Variants in SIN3B observed in about 807,000 individuals in gnomAD.
The protein encoded by SIN3B is paired amphipathic helix protein Sin3b.
A neutral mutation model predicts 120.2 loss-of-function variants in SIN3B; 19 were observed. The observed-to-expected ratio is 0.16, with a 90% CI of 0.11 to 0.23. The LOEUF is 0.23. Among genes scored for constraint, SIN3B ranks in the 10% least tolerant of loss-of-function variants. The pLI is 1.00. For missense variants in SIN3B, 1,073 were observed against 1,573.0 expected (o/e 0.68, Z 5.38); for synonymous variants, 654 against 653.2 (o/e 1.00, Z -0.02).
intron 3 of SIN3B, among the ~76,000 whole-genome samples, chr19:16,841,452 C>T (rs1971416038): frequency 1.3e-5 from 2 of 152,150 alleles, no homozygotes; most frequent in Non-Finnish European, 2.9e-5. Flanking sequence ...CAGCACTTGG[C>T]ACCACAGAGG....
At chr19:16,872,304 A>G (rs968920315) in intron 14 of SIN3B, among the ~76,000 whole-genome samples, 2 of 152,024 alleles carry the variant, frequency 1.3e-5, no homozygotes, top group African/African-American at 4.8e-5. Flanking sequence ...TAATGGAGCT[A>G]AAATACCCAA....
intron 4 of SIN3B, 118 bp downstream of exon 4, chr19:16,842,086 TG>T (rs2144583881): frequency 2.1e-6 from 2 of 933,360 alleles, no homozygotes; most frequent in East Asian, 5.3e-5. Context: ...TAATTAGTTG[TG>T]GGGTTTTTTG....
intron 14 of SIN3B, among the ~76,000 whole-genome samples, chr19:16,873,526 C>A (rs935246791): frequency 1.3e-5 from 2 of 150,654 alleles, no homozygotes; most frequent in Admixed American, 6.6e-5. Flanking sequence ...GTCCCCTCCC[C>A]CCCCCCCCAG....
At chr19:16,842,662 A>G (rs1044611691) in intron 4 of SIN3B, among the ~76,000 whole-genome samples, 1 of 152,110 alleles carries the variant, frequency 6.6e-6, no homozygotes, top group Admixed American at 6.5e-5. Flanking sequence ...CAGCACCAGG[A>G]GCTGGGGCTA....
chr19:16,865,688 C>G (rs1285290406), intron 11 of SIN3B, 40 bp downstream of exon 11: 1 of 1,288,428 alleles, frequency 7.8e-7, no homozygotes, highest in African/African-American at 1.5e-5. Context: ...CCTTCCCCTT[C>G]CCCCTTCCCT....
chr19:16,871,578 A>G, intron 14 of SIN3B, 180 bp downstream of exon 14: 1 of 590,120 alleles, frequency 1.7e-6, no homozygotes, highest in Admixed American at 3.4e-5. Context: ...GTTTGGTAAC[A>G]TTTGGTACAT....
chr19:16,849,798 A>G (rs1376002078), intron 5 of SIN3B, among the ~76,000 whole-genome samples: 1 of 152,120 alleles, frequency 6.6e-6, no homozygotes, highest in Non-Finnish European at 1.5e-5. Context: ...GTTCCAGCAT[A>G]TACAAAAAAT....
chr19:16,840,380 A>G (rs1033776284), intron 3 of SIN3B, among the ~76,000 whole-genome samples: 4 of 152,168 alleles, frequency 2.6e-5, no homozygotes, highest in Non-Finnish European at 4.4e-5. Flanking sequence ...GGCCACCCAC[A>G]AGCCAAGGAG....
At chr19:16,830,045 G>T (rs189944406) in intron 2 of SIN3B, 148 bp downstream of exon 2, 1 of 602,012 alleles carries the variant, frequency 1.7e-6, no homozygotes, top group Non-Finnish European at 3.0e-6. Flanking sequence ...GCTCCTTCTC[G>T]TAACAAAAAT....
chr19:16,873,600 T>G (rs1384280440), intron 14 of SIN3B, among the ~76,000 whole-genome samples: 2 of 149,472 alleles, frequency 1.3e-5, no homozygotes, highest in Non-Finnish European at 1.5e-5. Context: ...ACCAGGAGAT[T>G]GGACCAGATG....
chr19:16,848,336 C>T (rs981292299), intron 5 of SIN3B, among the ~76,000 whole-genome samples: 26 of 150,612 alleles, frequency 1.7e-4, no homozygotes, highest in African/African-American at 5.4e-4. Flanking sequence ...AAACTGTTTT[C>T]TACAGTGACC....
intron 3 of SIN3B, among the ~76,000 whole-genome samples, chr19:16,835,350 T>C (rs985921296): frequency 6.6e-5 from 10 of 151,480 alleles, no homozygotes; most frequent in African/African-American, 2.4e-4. Flanking sequence ...TGCCTCAGCC[T>C]CCTGAGTAGC....
chr19:16,874,601 G>A (rs1394707773), intron 14 of SIN3B, among the ~76,000 whole-genome samples: 5 of 151,568 alleles, frequency 3.3e-5, no homozygotes, highest in Non-Finnish European at 7.4e-5. Context: ...GTGTGGTTTT[G>A]GTTTGGTCTG....
chr19:16,857,553 G>GTGTATATA (rs66778532), intron 8 of SIN3B, among the ~76,000 whole-genome samples: 20 of 139,546 alleles, frequency 1.4e-4, no homozygotes, highest in African/African-American at 5.1e-4. Context: ...GTGTGTGTGT[G>GTGTATATA]TATATATACA....
chr19:16,866,736 ACCAGCAACTCTG>A (rs1971779787), intron 12 of SIN3B, among the ~76,000 whole-genome samples, 180 bp downstream of exon 12: 2 of 152,144 alleles, frequency 1.3e-5, no homozygotes, highest in African/African-American at 4.8e-5. Context: ...CCCTAGGAGA[ACCAGCAACTCTG>A]CCATTGTCTA....
chr19:16,857,065 A>G (rs759719843), intron 8 of SIN3B, among the ~76,000 whole-genome samples: 7 of 152,188 alleles, frequency 4.6e-5, no homozygotes, highest in East Asian at 1.9e-4. Context: ...TTGCTGTCAT[A>G]TATCAACTTT....
intron 9 of SIN3B, chr19:16,863,329 A>ACGACGACC: frequency 2.2e-5 from 8 of 358,644 alleles, no homozygotes; most frequent in East Asian, 9.5e-5. Flanking sequence ...AATGCAGTGT[A>ACGACGACC]ACAATGATCT....
At chr19:16,856,402 A>G (rs1301439147) in intron 8 of SIN3B, among the ~76,000 whole-genome samples, 10 of 152,126 alleles carry the variant, frequency 6.6e-5, no homozygotes, top group African/African-American at 2.4e-4. Flanking sequence ...GTACCGACCT[A>G]TGTGGGGTTC....
At chr19:16,875,856 T>TTGGTCTGGTC (rs376985614) in intron 14 of SIN3B, 199 bp from the exon 15 acceptor site, 35 of 629,236 alleles carry the variant, frequency 5.6e-5, no homozygotes, top group South Asian at 4.7e-4. Context: ...TCTGGTCTGT[T>TTGGTCTGGTC]TGGTCTGGTC....
Sources: gnomAD v4.1 joint callset for allele counts (sites outside exome capture counted in the v4.1 genomes callset) on GRCh38, gnomAD v4.1.1 for gene constraint, MANE v1.5 for transcripts, NCBI Gene and HGNC (gene_info 2026-07-23, HGNC 2026-07-21) for gene names.